Variants in KCTD16 observed in about 807,000 individuals in gnomAD.
KCTD16 encodes BTB/POZ domain-containing protein KCTD16.
Under a neutral mutation model 33.2 loss-of-function variants are expected in KCTD16, and 13 were observed. The observed-to-expected ratio is 0.39, with a 90% CI of 0.25 to 0.62. KCTD16 has a LOEUF of 0.62. KCTD16 is among the 20% of genes least tolerant of loss of function. KCTD16 has a pLI of 0.50. For missense variants in KCTD16, 441 were observed against 525.1 expected, an observed-to-expected ratio of 0.84 and a Z score of 1.57; for synonymous variants, 197 against 195.3, an observed-to-expected ratio of 1.01 and a Z score of -0.07.
chr5:144,269,572 ACCCG>A (rs1755238953), intron 3 of KCTD16, among the ~76,000 whole-genome samples: 1 of 152,080 alleles, frequency 6.6e-6, no homozygotes. Context: ...TTACTACTAG[ACCCG>A]CCCTGCAAGA....
chr5:144,462,866 A>G (rs1435549951), intron 3 of KCTD16, among the ~76,000 whole-genome samples: 1 of 152,224 alleles, frequency 6.6e-6, no homozygotes, highest in Non-Finnish European at 1.5e-5. Context: ...TGAATAAACC[A>G]TGGAGATAAT....
At chr5:144,248,935 G>T (rs1388609944) in intron 3 of KCTD16, among the ~76,000 whole-genome samples, 1 of 152,100 alleles carries the variant, frequency 6.6e-6, no homozygotes, top group Admixed American at 6.6e-5. Flanking sequence ...AAAACTCAAG[G>T]TGCTAATATA....
At chr5:144,174,042 A>G (rs536524030) in intron 1 of KCTD16, among the ~76,000 whole-genome samples, 30 of 151,992 alleles carry the variant, frequency 2.0e-4, no homozygotes, top group Non-Finnish European at 3.7e-4. Flanking sequence ...AGAAAGCCTC[A>G]CCCTAGGTCA....
intron 3 of KCTD16, among the ~76,000 whole-genome samples, chr5:144,357,275 C>T (rs1462728222): frequency 6.6e-6 from 1 of 152,188 alleles, no homozygotes; most frequent in Non-Finnish European, 1.5e-5. Flanking sequence ...CAGCCTATTG[C>T]TCCATGTGCA....
At chr5:144,425,526 T>C (rs1305146790) in intron 3 of KCTD16, among the ~76,000 whole-genome samples, 2 of 151,956 alleles carry the variant, frequency 1.3e-5, no homozygotes, top group Non-Finnish European at 2.9e-5. Flanking sequence ...GCAAGTTTCT[T>C]CCTGGACCTC....
At chr5:144,469,377 C>T (rs956166857) in intron 3 of KCTD16, among the ~76,000 whole-genome samples, 3 of 152,298 alleles carry the variant, frequency 2.0e-5, no homozygotes, top group South Asian at 2.1e-4. Context: ...AGGCATCCAG[C>T]TGTAACATCG....
chr5:144,236,987 A>G (rs952817082), intron 3 of KCTD16, among the ~76,000 whole-genome samples: 3 of 151,988 alleles, frequency 2.0e-5, no homozygotes, highest in African/African-American at 7.2e-5. Flanking sequence ...CCCCATGACT[A>G]ATGTACACTG....
intron 3 of KCTD16, among the ~76,000 whole-genome samples, chr5:144,357,783 C>G (rs1039903653): frequency 6.6e-6 from 1 of 152,104 alleles, no homozygotes; most frequent in African/African-American, 2.4e-5. Flanking sequence ...CTGTATTTCC[C>G]TTTGTCTAAC....
At chr5:144,380,694 T>G (rs936775607) in intron 3 of KCTD16, among the ~76,000 whole-genome samples, 1 of 151,706 alleles carries the variant, frequency 6.6e-6, no homozygotes, top group African/African-American at 2.4e-5. Flanking sequence ...TTCAACAAAG[T>G]CAACAACAAC....
intron 3 of KCTD16, among the ~76,000 whole-genome samples, chr5:144,257,944 G>A (rs78169505): frequency 1.7e-3 from 266 of 152,108 alleles, no homozygotes; most frequent in African/African-American, 6.0e-3. Context: ...TTTTCGATAA[G>A]TTATAAGGAT....
At chr5:144,456,295 A>C (rs1754061270) in intron 3 of KCTD16, among the ~76,000 whole-genome samples, 1 of 152,300 alleles carries the variant, frequency 6.6e-6, no homozygotes, top group Admixed American at 6.5e-5. Flanking sequence ...TTAACACTAA[A>C]ATTTTAATTT....
intron 1 of KCTD16, among the ~76,000 whole-genome samples, chr5:144,173,983 T>C (rs1459951163): frequency 1.3e-5 from 2 of 151,490 alleles, no homozygotes; most frequent in African/African-American, 4.9e-5. Flanking sequence ...GAGTACTTGG[T>C]AAATGTGCCG....
chr5:144,176,027 C>CT (rs1403295875), intron 2 of KCTD16, among the ~76,000 whole-genome samples: 2 of 152,080 alleles, frequency 1.3e-5, no homozygotes, highest in Non-Finnish European at 2.9e-5. Context: ...TTAAAATATG[C>CT]TTTTTTATCT....
chr5:144,198,150 A>C (rs1427652047), intron 2 of KCTD16, among the ~76,000 whole-genome samples: 1 of 152,194 alleles, frequency 6.6e-6, no homozygotes, highest in African/African-American at 2.4e-5. Context: ...AACAAACTGG[A>C]ATCAACTACC....
At chr5:144,264,315 C>T (rs770419702) in intron 3 of KCTD16, among the ~76,000 whole-genome samples, 3 of 152,114 alleles carry the variant, frequency 2.0e-5, no homozygotes, top group Non-Finnish European at 4.4e-5. Flanking sequence ...AATTCAGGGA[C>T]AAACACATTT....
In KCTD16 at chr5:144,479,242, A is replaced by T. The variant is rs1191920538; in HGVS notation, c.*5128A>T. 6.6e-6 allele frequency: 1 copy of T among 151,790 alleles called. No individual in the cohort carries two copies. The highest frequency in any genetic ancestry group is 2.4e-5 in the African/African-American group (1 of 41,380). The allele number at this position is 151,790 out of a possible 1,614,324, so 9.4% of individuals were successfully genotyped here. A position where few individuals can be genotyped will look rare whatever the true frequency, so the allele number is the denominator to read the frequency against. On this transcript the variant is annotated 3_prime_UTR_variant, in exon 4 of 4. Coordinates refer to ENST00000512467, the MANE Select transcript of KCTD16 (RefSeq NM_020768.4). ...TATTTAACCAATCAAATCCTGCGCC[A>T]TTGAACTGCTAAATTTGTCCAATTT...
At chr5:144,260,129 C>G (rs1754965803) in intron 3 of KCTD16, among the ~76,000 whole-genome samples, 1 of 152,204 alleles carries the variant, frequency 6.6e-6, no homozygotes, top group Non-Finnish European at 1.5e-5. Context: ...ATTGTTCTCA[C>G]TCCATTCATG....
rs570128076 is a variant in KCTD16 at position 144,254,929 on chromosome 5, A to AT, written c.832+47390dup. On this transcript the variant is annotated intron_variant, in intron 3 of 3. Transcript: ENST00000512467. Reference sequence around the variant, plus strand: ...TGTGCATGCACTACCATGCCTGGCTATTTTTTTAAATTTTTGTAGGGATGG... The same window carrying AT: ...TGTGCATGCACTACCATGCCTGGCTATTTTTTTTAAATTTTTGTAGGGATGG... Among the ~76,000 whole-genome samples, 29 of 151,950 alleles carry AT rather than the reference A, an allele frequency of 1.9e-4. No homozygotes were observed. The South Asian group carries it at 5.2e-3, about 27-fold the overall frequency.
chr5:144,273,408 T>C (rs1755354740), intron 3 of KCTD16, among the ~76,000 whole-genome samples: 1 of 152,108 alleles, frequency 6.6e-6, no homozygotes, highest in African/African-American at 2.4e-5. Context: ...TAAAAAACAG[T>C]ATGACAGTTC....
Sources: gnomAD v4.1 joint callset for allele counts (sites outside exome capture counted in the v4.1 genomes callset) on GRCh38, gnomAD v4.1.1 for gene constraint, MANE v1.5 for transcripts, NCBI Gene and HGNC (gene_info 2026-07-23, HGNC 2026-07-21) for gene names.